Variants in AFG2A observed in about 807,000 individuals in gnomAD.
AFG2A encodes the protein AAA ATPase AFG2A.
the AFG2A span, among the ~76,000 whole-genome samples, chr4:123,026,580 C>A: frequency 6.6e-6 from 1 of 152,042 alleles, no homozygotes; most frequent in Non-Finnish European, 1.5e-5. Flanking sequence ...TTGATTTCTG[C>A]GGTATTTTGA....
At chr4:122,934,128 G>C in the AFG2A span, 2 of 1,611,554 alleles carry the variant, frequency 1.2e-6, no homozygotes, top group East Asian at 2.2e-5. Context: ...GCAACTTTCT[G>C]TATTGTACAT....
chr4:123,067,177 T>C, the AFG2A span, among the ~76,000 whole-genome samples: 77 of 152,256 alleles, frequency 5.1e-4, no homozygotes, highest in African/African-American at 1.6e-3. Flanking sequence ...CTAGCCTTCT[T>C]TTTTGGGGTT....
At chr4:122,952,134 G>C in the AFG2A span, among the ~76,000 whole-genome samples, 6 of 152,148 alleles carry the variant, frequency 3.9e-5, no homozygotes, top group Non-Finnish European at 8.8e-5. Flanking sequence ...TTGTTGTAAG[G>C]CATAATGTAT....
the AFG2A span, among the ~76,000 whole-genome samples, chr4:123,233,781 A>G: frequency 6.6e-6 from 1 of 151,956 alleles, no homozygotes; most frequent in Non-Finnish European, 1.5e-5. Flanking sequence ...GTATACATAT[A>G]TACCTCAGTA....
At chr4:123,027,140 A>G in the AFG2A span, among the ~76,000 whole-genome samples, 1 of 151,572 alleles carries the variant, frequency 6.6e-6, no homozygotes, top group Non-Finnish European at 1.5e-5. Context: ...TCTGATATTT[A>G]TGTCATTAAT....
chr4:123,249,783 G>A, the AFG2A span, among the ~76,000 whole-genome samples: 1 of 152,114 alleles, frequency 6.6e-6, no homozygotes, highest in Non-Finnish European at 1.5e-5. Context: ...ACACAATAAA[G>A]AAGAATGGGT....
the AFG2A span, among the ~76,000 whole-genome samples, chr4:123,181,116 G>C: frequency 2.0e-5 from 3 of 151,652 alleles, no homozygotes; most frequent in Admixed American, 6.6e-5. Flanking sequence ...TCCCAAGTAG[G>C]TGGGACTACA....
At chr4:123,119,764 C>G in the AFG2A span, among the ~76,000 whole-genome samples, 1 of 151,992 alleles carries the variant, frequency 6.6e-6, no homozygotes, top group Non-Finnish European at 1.5e-5. Context: ...CTGTATTAGT[C>G]CATTCTCACA....
chr4:123,152,605 A>C, the AFG2A span, among the ~76,000 whole-genome samples: 9 of 152,232 alleles, frequency 5.9e-5, no homozygotes, highest in African/African-American at 2.2e-4. Context: ...AACACTGACA[A>C]CACCAAATTC....
chr4:123,219,728 A>G, the AFG2A span, among the ~76,000 whole-genome samples: 1 of 152,144 alleles, frequency 6.6e-6, no homozygotes, highest in Non-Finnish European at 1.5e-5. Flanking sequence ...ATATAATTTT[A>G]CTTGTGCATG....
At chr4:122,927,901 G>A in the AFG2A span, 1 of 1,167,402 alleles carries the variant, frequency 8.6e-7, no homozygotes, top group Non-Finnish European at 1.2e-6. Flanking sequence ...GATTTGGGAT[G>A]CTTAGCCAGT....
chr4:122,989,449 T>C, the AFG2A span, among the ~76,000 whole-genome samples: 1 of 152,150 alleles, frequency 6.6e-6, no homozygotes, highest in East Asian at 1.9e-4. Flanking sequence ...CTCTGTCCAC[T>C]GGGGCTGACC....
chr4:123,098,458 C>G, the AFG2A span, among the ~76,000 whole-genome samples: 1 of 151,816 alleles, frequency 6.6e-6, no homozygotes, highest in African/African-American at 2.4e-5. Flanking sequence ...TACAATAGAC[C>G]TCTTGAACTT....
chr4:123,118,276 T>C, the AFG2A span, among the ~76,000 whole-genome samples: 75 of 132,980 alleles, frequency 5.6e-4, no homozygotes, highest in Admixed American at 1.4e-3. Flanking sequence ...CAAATATATA[T>C]GCAAATATAA....
At chr4:122,927,774 A>G in the AFG2A span, 1 of 1,610,220 alleles carries the variant, frequency 6.2e-7, no homozygotes, top group South Asian at 1.1e-5. Flanking sequence ...AGTCTTTTTC[A>G]TTTCCTTAGT....
the AFG2A span, among the ~76,000 whole-genome samples, chr4:123,221,017 T>G: frequency 6.6e-6 from 1 of 152,208 alleles, no homozygotes; most frequent in Non-Finnish European, 1.5e-5. Flanking sequence ...GGGAAATTTC[T>G]TTAGTGATTG....
chr4:123,192,964 G>A, the AFG2A span, among the ~76,000 whole-genome samples: 1 of 152,186 alleles, frequency 6.6e-6, no homozygotes, highest in Non-Finnish European at 1.5e-5. Context: ...GAATAAATGA[G>A]AAATAAGTAG....
At chr4:123,246,927 A>G in the AFG2A span, among the ~76,000 whole-genome samples, 1 of 152,082 alleles carries the variant, frequency 6.6e-6, no homozygotes, top group African/African-American at 2.4e-5. Context: ...TGTTTCTGGA[A>G]TTTTTTTAAG....
At chr4:123,015,853 C>CAGA in the AFG2A span, among the ~76,000 whole-genome samples, 14 of 10,136 alleles carry the variant, frequency 1.4e-3, no homozygotes, top group Non-Finnish European at 4.6e-3. Flanking sequence ...GCTGGCCGGG[C>CAGA]GGGGGGCTGA....
Sources: allele counts gnomAD v4.1 joint callset (sites outside exome capture counted in the v4.1 genomes callset), GRCh38; gene constraint gnomAD v4.1.1; transcripts MANE v1.5; gene names NCBI Gene and HGNC (gene_info 2026-07-23, HGNC 2026-07-21).